UBE2R2: variants seen among roughly 807,000 people sequenced by gnomAD.
The protein encoded by UBE2R2 is ubiquitin-conjugating enzyme E2 R2.
A neutral mutation model predicts 27.8 loss-of-function variants in UBE2R2; 1 was observed. The observed-to-expected ratio is 0.04, with a 90% CI of 0.01 to 0.17. The LOEUF (loss-of-function observed/expected upper bound fraction) is 0.17. UBE2R2 is among the 10% of genes least tolerant of loss of function. The pLI is 1.00. For missense variants in UBE2R2, 100 were observed against 291.0 expected, an observed-to-expected ratio of 0.34 and a Z score of 4.78; for synonymous variants, 106 against 113.3, an observed-to-expected ratio of 0.94 and a Z score of 0.41.
At chr9:33,900,128 C>T in intron 2 of UBE2R2, 46 bp from the exon 3 acceptor site, 4 of 1,486,446 alleles carry the variant, frequency 2.7e-6, no homozygotes, top group Non-Finnish European at 3.7e-6. Context: ...CCTTTTTGTA[C>T]ATCACTTTTT....
upstream of UBE2R2, among the ~76,000 whole-genome samples, chr9:33,815,960 G>C (rs2119228250): frequency 6.6e-6 from 1 of 152,246 alleles, no homozygotes; most frequent in South Asian, 2.1e-4. Flanking sequence ...TGTAGTCCTA[G>C]CTACTTGGGA....
At chr9:33,839,295 T>C (rs1054527921) in intron 1 of UBE2R2, among the ~76,000 whole-genome samples, 1 of 152,144 alleles carries the variant, frequency 6.6e-6, no homozygotes, top group African/African-American at 2.4e-5. Context: ...TGGACTGCAA[T>C]GGCAGGGTCT....
At chr9:33,876,667 G>T (rs1015337510) in intron 1 of UBE2R2, among the ~76,000 whole-genome samples, 1 of 152,176 alleles carries the variant, frequency 6.6e-6, no homozygotes, top group African/African-American at 2.4e-5. Flanking sequence ...TGTAATCCCA[G>T]CACTTTGAGA....
chr9:33,865,487 C>T (rs1210122593), intron 1 of UBE2R2, among the ~76,000 whole-genome samples: 5 of 152,202 alleles, frequency 3.3e-5, no homozygotes, highest in East Asian at 1.9e-4. Context: ...TGAGCCACCA[C>T]GCCTGGCCTT....
At position 33,911,879 on chromosome 9, in the gene UBE2R2, C is replaced by G. The variant is rs187674469; in HGVS notation, c.363-85C>G. On this transcript the variant is annotated intron_variant, in intron 3 of 4. Transcript: ENST00000263228. ...TTTTAAGGGAGGGAGAATTTGAAATCTGATTGTACTATCTTAAAAAGCAGA... is the reference window on the plus strand; with the variant it reads ...TTTTAAGGGAGGGAGAATTTGAAATGTGATTGTACTATCTTAAAAAGCAGA... 8.4e-4 allele frequency: 1,078 copies of G among 1,278,324 alleles called. 6 individuals are homozygous for G. In the Middle Eastern group the frequency reaches 0.022, roughly 26 times the overall value. 79.2% of individuals were successfully genotyped at this position (1,278,324 alleles called of 1,614,324 possible). A position where few individuals can be genotyped will look rare whatever the true frequency, so the allele number is the denominator to read the frequency against.
intron 3 of UBE2R2, among the ~76,000 whole-genome samples, chr9:33,905,471 A>G (rs1587481472): frequency 6.6e-6 from 1 of 152,102 alleles, no homozygotes; most frequent in Non-Finnish European, 1.5e-5. Flanking sequence ...ACTGCCCTCA[A>G]CCTGCCAATT....
intron 1 of UBE2R2, among the ~76,000 whole-genome samples, chr9:33,861,917 G>T (rs368769991): frequency 2.1e-5 from 3 of 142,726 alleles, no homozygotes; most frequent in African/African-American, 7.8e-5. Context: ...GCAGTGGCAC[G>T]ATCTTGGCTC....
chr9:33,861,268 GTTAAGTT>G (rs1821230323), intron 1 of UBE2R2, among the ~76,000 whole-genome samples: 1 of 148,356 alleles, frequency 6.7e-6, no homozygotes, highest in Admixed American at 6.7e-5. Context: ...CCAACCTTGT[GTTAAGTT>G]TTAAAAAGCA....
Position 33,853,575 on chromosome 9 carries a change from G to A in UBE2R2, c.178-33306G>A, listed in dbSNP as rs146231202. On this transcript the variant is annotated intron_variant, in intron 1 of 4. Transcript: ENST00000263228. ...GCTGAGATTACAGGTGTGAGCCACC[G>A]TGCCCAGCCTATCTTTTCTATTTTA... Among the ~76,000 whole-genome samples, 7 of 151,888 alleles carry A rather than the reference G, an allele frequency of 4.6e-5. No individual in the cohort carries two copies. The East Asian group carries it at 1.2e-3, about 25-fold the overall frequency.
chr9:33,877,864 T>C (rs1821650006), intron 1 of UBE2R2, among the ~76,000 whole-genome samples: 1 of 149,210 alleles, frequency 6.7e-6, no homozygotes, highest in South Asian at 2.1e-4. Context: ...TCTCCCTCCG[T>C]CTTTCCTCAG....
At chr9:33,830,485 G>C (rs1008271775) in intron 1 of UBE2R2, among the ~76,000 whole-genome samples, 2 of 149,286 alleles carry the variant, frequency 1.3e-5, no homozygotes, top group African/African-American at 4.9e-5. Flanking sequence ...CTGCTTTGCT[G>C]ATTGGACGCG....
chr9:33,889,676 C>G (rs1365511702), intron 2 of UBE2R2, among the ~76,000 whole-genome samples: 1 of 152,154 alleles, frequency 6.6e-6, no homozygotes, highest in Non-Finnish European at 1.5e-5. Context: ...TTTTGTCTTG[C>G]AATTGAGAGC....
At chr9:33,868,294 A>G (rs981883572) in intron 1 of UBE2R2, among the ~76,000 whole-genome samples, 11 of 152,118 alleles carry the variant, frequency 7.2e-5, no homozygotes, top group African/African-American at 2.7e-4. Context: ...AAAAGGCAAC[A>G]TTTGGGCTGA....
chr9:33,868,238 C>T (rs964705792), intron 1 of UBE2R2, among the ~76,000 whole-genome samples: 4 of 152,088 alleles, frequency 2.6e-5, no homozygotes, highest in African/African-American at 9.7e-5. Flanking sequence ...GTTGCTCTGC[C>T]AGCTGAAGTC....
At chr9:33,878,220 G>A (rs1821657734) in intron 1 of UBE2R2, among the ~76,000 whole-genome samples, 1 of 152,168 alleles carries the variant, frequency 6.6e-6, no homozygotes, top group Admixed American at 6.5e-5. Flanking sequence ...GCAATACGCA[G>A]CGGCTCACAT....
intron 1 of UBE2R2, among the ~76,000 whole-genome samples, chr9:33,867,843 T>C (rs1821397902): frequency 6.6e-6 from 1 of 152,038 alleles, no homozygotes; most frequent in Non-Finnish European, 1.5e-5. Context: ...TGCTTGAACC[T>C]GGGAGGTAGA....
At chr9:33,904,862 G>A (rs1433297664) in intron 3 of UBE2R2, among the ~76,000 whole-genome samples, 1 of 152,218 alleles carries the variant, frequency 6.6e-6, no homozygotes, top group East Asian at 1.9e-4. Context: ...GTTTTAAGGA[G>A]TAGGCATTTG....
chr9:33,840,486 T>C (rs945769537), intron 1 of UBE2R2, among the ~76,000 whole-genome samples: 3 of 152,216 alleles, frequency 2.0e-5, no homozygotes, highest in African/African-American at 7.2e-5. Flanking sequence ...TTACTGATTG[T>C]ACACTCATGT....
In UBE2R2 at chr9:33,918,106, C is replaced by CTAAG. The variant is rs1440238399; in HGVS notation, c.*871_*874dup. ...GAGCAAAGAGTTAAAAATCACTATG[C>CTAAG]TAAGTTTGGTTGATGCTACTGGGGG... On this transcript the variant is annotated 3_prime_UTR_variant, in exon 5 of 5. Transcript: ENST00000263228. 6 of 153,338 alleles carry CTAAG rather than the reference C, an allele frequency of 3.9e-5. No homozygotes were observed. The highest frequency in any genetic ancestry group is 1.4e-4 in the African/African-American group (6 of 41,400). 9.5% of individuals were successfully genotyped at this position (153,338 alleles called of 1,614,324 possible). A position where few individuals can be genotyped will look rare whatever the true frequency, so the allele number is the denominator to read the frequency against.
Sources: gnomAD v4.1 joint callset for allele counts (sites outside exome capture counted in the v4.1 genomes callset) on GRCh38, gnomAD v4.1.1 for gene constraint, MANE v1.5 for transcripts, NCBI Gene and HGNC (gene_info 2026-07-23, HGNC 2026-07-21) for gene names.